Variants in PIGL observed in about 807,000 individuals in gnomAD.
The protein encoded by PIGL is phosphatidylinositol glycan anchor biosynthesis class L, also known as N-acetylglucosaminyl-phosphatidylinositol de-N-acetylase.
In PIGL, 22 loss-of-function variants were observed where a neutral mutation model predicts 31.1. The observed-to-expected ratio is 0.71, with a 90% CI of 0.51 to 1.01. PIGL has a LOEUF of 1.01. Among genes scored for constraint, PIGL ranks in the 50% least tolerant of loss-of-function variants. The probability of loss-of-function intolerance (pLI) is 0.00; values close to 1 mark genes in which losing one functional copy is unlikely to be tolerated. For missense variants in PIGL, 302 were observed against 315.9 expected, an observed-to-expected ratio of 0.96 and a Z score of 0.33; for synonymous variants, 131 against 117.4, an observed-to-expected ratio of 1.12 and a Z score of -0.75.
chr17:16,280,414 T>A (rs2092911878), intron 2 of PIGL, among the ~76,000 whole-genome samples: 1 of 152,238 alleles, frequency 6.6e-6, no homozygotes, highest in Non-Finnish European at 1.5e-5. Flanking sequence ...TCTTTTCTTC[T>A]AATTTAACTT....
intron 2 of PIGL, among the ~76,000 whole-genome samples, chr17:16,269,268 C>G (rs1308584953): frequency 6.6e-6 from 1 of 152,204 alleles, no homozygotes; most frequent in Non-Finnish European, 1.5e-5. Context: ...ATAGCCTAGG[C>G]TTTACATGGC....
chr17:16,246,985 G>A (rs940248916), intron 2 of PIGL, among the ~76,000 whole-genome samples: 5 of 151,908 alleles, frequency 3.3e-5, no homozygotes, highest in African/African-American at 9.7e-5. Flanking sequence ...CACCGCGCCC[G>A]GCCCAGATCA....
intron 2 of PIGL, among the ~76,000 whole-genome samples, chr17:16,261,940 T>C (rs1179309756): frequency 2.0e-5 from 3 of 151,578 alleles, no homozygotes; most frequent in Non-Finnish European, 4.4e-5. Context: ...ATTGCCACTG[T>C]GGCCAGGCAT....
chr17:16,276,483 A>G (rs1015851498), intron 2 of PIGL, among the ~76,000 whole-genome samples: 2 of 152,258 alleles, frequency 1.3e-5, no homozygotes, highest in Non-Finnish European at 2.9e-5. Context: ...CTATAATCCC[A>G]GCACTTTGGG....
chr17:16,254,666 G>A (rs549535210), intron 2 of PIGL, among the ~76,000 whole-genome samples: 46 of 151,908 alleles, frequency 3.0e-4, no homozygotes, highest in African/African-American at 8.0e-4. Flanking sequence ...ATGCAGTGGC[G>A]CTATCTCGAC....
chr17:16,286,096 T>G (rs923358338), intron 2 of PIGL, among the ~76,000 whole-genome samples: 1 of 152,308 alleles, frequency 6.6e-6, no homozygotes, highest in Non-Finnish European at 1.5e-5. Context: ...AAGGAAATGA[T>G]CGAGTTTAGA....
chr17:16,237,869 T>G (rs925116482), intron 2 of PIGL, among the ~76,000 whole-genome samples: 1 of 150,332 alleles, frequency 6.7e-6, no homozygotes, highest in Non-Finnish European at 1.5e-5. Context: ...TCCAAGAACA[T>G]GAACATAATT....
At chr17:16,281,637 G>C (rs2092916934) in intron 2 of PIGL, among the ~76,000 whole-genome samples, 1 of 152,178 alleles carries the variant, frequency 6.6e-6, no homozygotes, top group Non-Finnish European at 1.5e-5. Flanking sequence ...TAAATCCCTA[G>C]CCTGGTAGGC....
At chr17:16,292,768 C>G (rs1198310183) in intron 2 of PIGL, among the ~76,000 whole-genome samples, 1 of 152,212 alleles carries the variant, frequency 6.6e-6, no homozygotes, top group African/African-American at 2.4e-5. Flanking sequence ...TGTGATGGCT[C>G]ACTCCCCAGA....
At chr17:16,251,001 G>C (rs1331377851) in intron 2 of PIGL, among the ~76,000 whole-genome samples, 1 of 152,190 alleles carries the variant, frequency 6.6e-6, no homozygotes, top group Non-Finnish European at 1.5e-5. Context: ...AGAAACTAAA[G>C]CTCAGAGAGA....
At chr17:16,301,942 C>G (rs1254763187) in intron 3 of PIGL, among the ~76,000 whole-genome samples, 1 of 151,958 alleles carries the variant, frequency 6.6e-6, no homozygotes, top group Non-Finnish European at 1.5e-5. Flanking sequence ...CTCAAGCTGT[C>G]CTCCCTCATT....
chr17:16,322,642 G>A, intron 6 of PIGL, among the ~76,000 whole-genome samples: 1 of 151,952 alleles, frequency 6.6e-6, no homozygotes, highest in East Asian at 1.9e-4. Context: ...TTCATTATTT[G>A]TAGTTCTATA....
At chr17:16,294,464 TC>T (rs2092973147) in intron 2 of PIGL, among the ~76,000 whole-genome samples, 1 of 152,140 alleles carries the variant, frequency 6.6e-6, no homozygotes, top group South Asian at 2.1e-4. Flanking sequence ...AGTACGGTTC[TC>T]CCCGCTGCCC....
At chr17:16,248,021 G>A (rs994965365) in intron 2 of PIGL, among the ~76,000 whole-genome samples, 9 of 152,060 alleles carry the variant, frequency 5.9e-5, no homozygotes, top group South Asian at 2.1e-4. Flanking sequence ...CCAAGTAGCC[G>A]GGATTACAGG....
intron 2 of PIGL, among the ~76,000 whole-genome samples, chr17:16,263,941 A>C (rs2142755016): frequency 7.0e-6 from 1 of 142,502 alleles, no homozygotes; most frequent in Admixed American, 7.3e-5. Flanking sequence ...TCCTGAGTTC[A>C]AGCGATTCTC....
chr17:16,218,677 CTTTT>C (rs34243048), intron 1 of PIGL, among the ~76,000 whole-genome samples: 3 of 127,672 alleles, frequency 2.3e-5, no homozygotes, highest in South Asian at 2.5e-4. Context: ...CCAACTTACT[CTTTT>C]TTTTTTTTTT....
Position 16,234,020 on chromosome 17 carries a change from C to T in PIGL, c.285C>T (p.Ser95=). Residue 95 remains serine, a synonymous_variant, in exon 2 of 7, where the codon AGC becomes AGT. Transcript: ENST00000225609. ...CTCGTAAGAAAGAACTTTTGCAGAG[C>T]TGTGATGTTTTGGGGATTCCACTCT... ...GETRKKELLQ[S]CDVLGIPLSS... 1 of 1,609,374 alleles carries T rather than the reference C, an allele frequency of 6.2e-7. No individual in the cohort carries two copies. Among genetic ancestry groups the T allele is most frequent in the Non-Finnish European group, 8.5e-7 (1 of 1,175,852 alleles).
At chr17:16,231,572 C>G (rs184778307) in intron 1 of PIGL, among the ~76,000 whole-genome samples, 2 of 151,928 alleles carry the variant, frequency 1.3e-5, no homozygotes, top group South Asian at 2.1e-4. Context: ...AATCTATTAC[C>G]TATTTAGAAT....
chr17:16,299,269 A>G (rs2142834008), intron 2 of PIGL, among the ~76,000 whole-genome samples: 1 of 151,714 alleles, frequency 6.6e-6, no homozygotes, highest in Middle Eastern at 3.4e-3. Flanking sequence ...AGGCTGGCCA[A>G]CATGGCGAAA....
Sources: allele counts gnomAD v4.1 joint callset (sites outside exome capture counted in the v4.1 genomes callset), GRCh38; gene constraint gnomAD v4.1.1; transcripts MANE v1.5; gene names NCBI Gene and HGNC (gene_info 2026-07-23, HGNC 2026-07-21).